The following DCLK1 variants were observed in gnomAD, a reference collection of about 807,000 sequenced individuals.
DCLK1 encodes the protein serine/threonine-protein kinase DCLK1.
In DCLK1, 16 loss-of-function variants were observed where a neutral mutation model predicts 86.2. That is an observed-to-expected ratio of 0.19 (90% CI 0.13 to 0.28). The LOEUF (loss-of-function observed/expected upper bound fraction) is 0.28, where lower values mean the gene tolerates loss of function less well. DCLK1 is among the 10% of genes least tolerant of loss of function. The pLI, the probability that DCLK1 is intolerant of heterozygous loss-of-function variation, is 1.00. For missense variants in DCLK1, 590 were observed against 940.2 expected (o/e 0.63, Z 4.87); for synonymous variants, 369 against 370.5 (o/e 1.00, Z 0.05).
intron 13 of DCLK1, 28 bp downstream of exon 13, chr13:35,808,990 G>T (rs373819256): frequency 1.3e-5 from 21 of 1,599,932 alleles, no homozygotes; most frequent in Non-Finnish European, 1.8e-5. Context: ...TGCTTTGTCG[G>T]CGCTGAATAA....
At chr13:36,037,340 G>T (rs1882539575) in intron 3 of DCLK1, among the ~76,000 whole-genome samples, 1 of 152,078 alleles carries the variant, frequency 6.6e-6, no homozygotes. Context: ...GAGCAGTAGG[G>T]TGAGTATAGT....
At chr13:35,855,853 T>A in intron 5 of DCLK1, 2 of 1,159,400 alleles carry the variant, frequency 1.7e-6, no homozygotes, top group South Asian at 8.5e-5. Context: ...CACTGAATCA[T>A]AATGAAGTGG....
chr13:36,011,476 C>T (rs1176199580), intron 3 of DCLK1, among the ~76,000 whole-genome samples: 5 of 128,358 alleles, frequency 3.9e-5, no homozygotes, highest in East Asian at 2.3e-4. Context: ...GCCTTCATTT[C>T]GTTATGTACC....
chr13:36,006,300 C>T (rs925619991), intron 3 of DCLK1, among the ~76,000 whole-genome samples: 12 of 152,264 alleles, frequency 7.9e-5, no homozygotes, highest in East Asian at 1.9e-4. Context: ...CTGGGAGACC[C>T]GCAAACCAGC....
At chr13:35,925,966 G>A (rs1566605915) in intron 4 of DCLK1, among the ~76,000 whole-genome samples, 2 of 152,036 alleles carry the variant, frequency 1.3e-5, no homozygotes, top group Admixed American at 6.6e-5. Context: ...TTTGCAGTTT[G>A]TATACAAAAC....
intron 1 of DCLK1, among the ~76,000 whole-genome samples, chr13:36,128,483 C>T (rs1424951453): frequency 6.6e-6 from 1 of 152,160 alleles, no homozygotes; most frequent in East Asian, 1.9e-4. Flanking sequence ...CTAACTAGCT[C>T]AGTGACCTTG....
intron 4 of DCLK1, among the ~76,000 whole-genome samples, chr13:35,889,260 A>C (rs1873487643): frequency 6.6e-6 from 1 of 152,236 alleles, no homozygotes; most frequent in South Asian, 2.1e-4. Flanking sequence ...CCCTTCATGC[A>C]TAATTTCCCT....
At chr13:35,853,675 G>C (rs897908263) in intron 6 of DCLK1, among the ~76,000 whole-genome samples, 5 of 152,160 alleles carry the variant, frequency 3.3e-5, no homozygotes, top group Non-Finnish European at 5.9e-5. Context: ...AGGAGTTCTC[G>C]CTTATTAAAG....
chr13:35,808,186 C>G (rs772692287), intron 14 of DCLK1, 38 bp downstream of exon 14: 2 of 1,555,450 alleles, frequency 1.3e-6, no homozygotes, highest in South Asian at 2.2e-5. Flanking sequence ...CGTTAAGACA[C>G]ACAGAATATA....
chr13:35,989,071 C>A, intron 3 of DCLK1, among the ~76,000 whole-genome samples: 1 of 152,056 alleles, frequency 6.6e-6, no homozygotes, highest in Admixed American at 6.6e-5. Context: ...TACAAATTAG[C>A]CCATGATTTA....
intron 4 of DCLK1, among the ~76,000 whole-genome samples, chr13:35,902,439 T>C (rs923053478): frequency 6.6e-6 from 1 of 152,186 alleles, no homozygotes; most frequent in African/African-American, 2.4e-5. Flanking sequence ...TTCTGTATCC[T>C]GGCAGGATAG....
intron 3 of DCLK1, among the ~76,000 whole-genome samples, chr13:36,029,118 C>T (rs545204998): frequency 6.6e-6 from 1 of 152,170 alleles, no homozygotes; most frequent in Non-Finnish European, 1.5e-5. Context: ...GGATTCACCT[C>T]GAATTCATTC....
At chr13:35,800,243 G>A (rs772171038) in intron 15 of DCLK1, among the ~76,000 whole-genome samples, 8 of 152,202 alleles carry the variant, frequency 5.3e-5, no homozygotes, top group Non-Finnish European at 1.2e-4. Context: ...CAAGGTGCTA[G>A]GACTTAAGAT....
chr13:35,826,638 C>T (rs571120118), intron 10 of DCLK1, among the ~76,000 whole-genome samples: 1 of 151,198 alleles, frequency 6.6e-6, no homozygotes, highest in Non-Finnish European at 1.5e-5. Context: ...AAAAAAATGC[C>T]AATATGTCTA....
At chr13:35,823,542 G>A (rs1441596574) in intron 10 of DCLK1, among the ~76,000 whole-genome samples, 1 of 152,112 alleles carries the variant, frequency 6.6e-6, no homozygotes, top group Non-Finnish European at 1.5e-5. Flanking sequence ...CTCAAAGAAA[G>A]TTTTCTAGGA....
At chr13:35,939,767 A>G (rs1368620330) in intron 4 of DCLK1, among the ~76,000 whole-genome samples, 1 of 152,248 alleles carries the variant, frequency 6.6e-6, no homozygotes, top group Non-Finnish European at 1.5e-5. Flanking sequence ...AAAATATGCC[A>G]GCACCAACAC....
chr13:35,845,104 T>C (rs1158443116), intron 6 of DCLK1, among the ~76,000 whole-genome samples: 1 of 152,036 alleles, frequency 6.6e-6, no homozygotes, highest in African/African-American at 2.4e-5. Flanking sequence ...AAAAATTAGC[T>C]GCATGAGGTG....
chr13:35,949,071 G>A (rs1243670273), intron 3 of DCLK1, among the ~76,000 whole-genome samples: 2 of 152,018 alleles, frequency 1.3e-5, no homozygotes, highest in South Asian at 2.1e-4. Flanking sequence ...TGCCTACCAC[G>A]CTCCAATCAG....
intron 2 of DCLK1, among the ~76,000 whole-genome samples, chr13:36,117,909 T>G (rs909124000): frequency 9.2e-5 from 14 of 152,204 alleles, no homozygotes; most frequent in African/African-American, 3.1e-4. Flanking sequence ...CACTTCCCAC[T>G]TCCCACTGGG....
Sources: gnomAD v4.1 joint callset for allele counts (sites outside exome capture counted in the v4.1 genomes callset) on GRCh38, gnomAD v4.1.1 for gene constraint, MANE v1.5 for transcripts, NCBI Gene and HGNC (gene_info 2026-07-23, HGNC 2026-07-21) for gene names.